The following DMRT3 variants were observed in gnomAD, a reference collection of about 807,000 sequenced individuals.
The protein encoded by DMRT3 is doublesex- and mab-3-related transcription factor 3.
A neutral mutation model predicts 34.9 loss-of-function variants in DMRT3; 29 were observed. The observed-to-expected ratio is 0.83, with a 90% CI of 0.62 to 1.13. The LOEUF is 1.13. Among genes scored for constraint, DMRT3 ranks in the 50% most tolerant of loss-of-function variants. DMRT3 has a pLI of 0.00. For synonymous variants in DMRT3, 350 were observed against 286.0 expected, an observed-to-expected ratio of 1.22 and a Z score of -2.26; for missense variants, 772 against 629.1, an observed-to-expected ratio of 1.23 and a Z score of -2.43.
intron 1 of DMRT3, among the ~76,000 whole-genome samples, chr9:982,379 C>T (rs1305549683): frequency 2.0e-5 from 3 of 152,238 alleles, no homozygotes; most frequent in African/African-American, 2.4e-5. Context: ...CTCTCTCCAC[C>T]TCCAAATCAC....
At chr9:985,073 CT>C (rs1820267833) in intron 1 of DMRT3, among the ~76,000 whole-genome samples, 1 of 152,098 alleles carries the variant, frequency 6.6e-6, no homozygotes, top group Non-Finnish European at 1.5e-5. Context: ...ATATCTACTT[CT>C]TTTAAAAACC....
intron 1 of DMRT3, among the ~76,000 whole-genome samples, chr9:984,778 C>A (rs904709750): frequency 6.6e-6 from 1 of 152,044 alleles, no homozygotes; most frequent in Non-Finnish European, 1.5e-5. Context: ...TTTTATGCAT[C>A]GTGAGCAGAA....
At chr9:981,523 A>G (rs1041117764) in intron 1 of DMRT3, among the ~76,000 whole-genome samples, 1 of 152,246 alleles carries the variant, frequency 6.6e-6, no homozygotes, top group Non-Finnish European at 1.5e-5. Flanking sequence ...ATAAAAAGGA[A>G]TACGCATACA....
Position 976,715 on chromosome 9 carries a change from C to T in DMRT3, c.-287C>T, listed in dbSNP as rs567707989. Among the ~76,000 whole-genome samples the T allele has an allele frequency of 6.6e-6, 1 of 152,218 alleles. No individual in the cohort carries two copies. The highest frequency in any genetic ancestry group is 1.5e-5 in the Non-Finnish European group (1 of 67,988). On this transcript the variant is annotated 5_prime_UTR_variant, in exon 1 of 2. Coordinates refer to ENST00000190165, the MANE Select transcript of DMRT3 (RefSeq NM_021240.4). This position sits in a 1 kb window ranked among gnomAD's most constrained non-coding sequence, Gnocchi z 4.5. Reference sequence around the variant, plus strand: ...CGCCGGCTCCTTGCAGCCGCCGCAGCGCCTCCGCGAAGGAGGACGTGCCGA... The same window carrying T: ...CGCCGGCTCCTTGCAGCCGCCGCAGTGCCTCCGCGAAGGAGGACGTGCCGA...
chr9:988,697 C>G (rs1441675865), intron 1 of DMRT3, among the ~76,000 whole-genome samples: 1 of 152,098 alleles, frequency 6.6e-6, no homozygotes, highest in Non-Finnish European at 1.5e-5. Context: ...TGTATATAAT[C>G]AGGTGTGCCC....
intron 1 of DMRT3, 81 bp from the exon 2 acceptor site, chr9:989,960 C>CGT (rs1820331949): frequency 1.3e-6 from 2 of 1,532,096 alleles, no homozygotes; most frequent in East Asian, 4.5e-5. Context: ...CCAAAAAGCA[C>CGT]GTGTACAGGT....
chr9:979,440 G>C (rs1230477529), intron 1 of DMRT3, among the ~76,000 whole-genome samples: 3 of 152,108 alleles, frequency 2.0e-5, no homozygotes, highest in Non-Finnish European at 4.4e-5. Flanking sequence ...AGGAGAATAG[G>C]ATTTATCACA....
chr9:979,873 TGA>T (rs1820196272), intron 1 of DMRT3, among the ~76,000 whole-genome samples: 1 of 152,228 alleles, frequency 6.6e-6, no homozygotes, highest in Non-Finnish European at 1.5e-5. Context: ...GAACTACTCC[TGA>T]ATAAGTGCAG....
chr9:976,951 C>G lies in DMRT3; in HGVS notation c.-51C>G. 1 of 1,423,034 alleles carries G rather than the reference C, an allele frequency of 7.0e-7. No homozygotes were observed. The highest frequency in any genetic ancestry group is 9.2e-7 in the Non-Finnish European group (1 of 1,087,004). The allele number at this position is 1,423,034 out of a possible 1,614,324, so 88.2% of individuals were successfully genotyped here. The stretch of plus-strand genomic sequence containing the variant: ...CCTCGCAGCCCCGCCGTCCAGCGCT[C>G]CCTGGCCCTCTCCCGCAGCCAGGCT... On this transcript the variant is annotated 5_prime_UTR_variant, in exon 1 of 2. Coordinates refer to ENST00000190165, the MANE Select transcript of DMRT3 (RefSeq NM_021240.4). The surrounding 1 kb of genome is among the most constrained non-coding windows in gnomAD (Gnocchi z 4.5).
rs190846148 is a variant in DMRT3 at position 978,585 on chromosome 9, T to G, written c.454+1130T>G. ...GTACCCCTAGCTTCGGAGAAAGGCTTTCAGGAGCCCAGGACTGCTTTGTCT... is the reference window on the plus strand; with the variant it reads ...GTACCCCTAGCTTCGGAGAAAGGCTGTCAGGAGCCCAGGACTGCTTTGTCT... On this transcript the variant is annotated intron_variant, in intron 1 of 1. Coordinates refer to ENST00000190165, the MANE Select transcript of DMRT3 (RefSeq NM_021240.4). 1.8e-4 allele frequency among the ~76,000 whole-genome samples: 28 copies of G among 152,302 alleles called. No homozygotes were observed. In the East Asian group the frequency reaches 5.2e-3, roughly 28 times the overall value.
chr9:977,298 G>A lies in DMRT3; in HGVS notation c.297G>A (p.Pro99=), dbSNP rs1410716994. 1.5e-5 allele frequency: 21 copies of A among 1,368,860 alleles called. No individual in the cohort carries two copies. The highest frequency in any genetic ancestry group is 2.9e-5 in the East Asian group (1 of 34,042). 84.8% of individuals were successfully genotyped at this position (1,368,860 alleles called of 1,614,324 possible). The change falls in exon 1 of 2, where the codon CCG becomes CCA. Residue 99 remains proline, a synonymous_variant. Coordinates refer to ENST00000190165, the MANE Select transcript of DMRT3 (RefSeq NM_021240.4). ...DSLRALPGPP[P]PGDAVAAPQP... Reference sequence around the variant, plus strand: ...TGCGCGCTCTGCCAGGGCCCCCGCCGCCGGGGGACGCCGTCGCCGCCCCGC... The same window carrying A: ...TGCGCGCTCTGCCAGGGCCCCCGCCACCGGGGGACGCCGTCGCCGCCCCGC...
intron 1 of DMRT3, among the ~76,000 whole-genome samples, chr9:981,086 TA>T (rs1820210772): frequency 6.6e-6 from 1 of 152,076 alleles, no homozygotes; most frequent in Non-Finnish European, 1.5e-5. Context: ...CTTTCCTGTT[TA>T]TTTCTTAGGG....
Position 990,195 on chromosome 9 carries a change from G to A in DMRT3, c.609G>A (p.Gly203=). ...ESPEIVSVEE[G]GYAVQKNGGN... ...CTGAGATAGTGTCCGTGGAGGAAGG[G>A]GGATACGCTGTCCAGAAAAACGGAG... Residue 203 remains glycine (G), a synonymous_variant, in exon 2 of 2, where the codon GGG becomes GGA. Transcript: ENST00000190165. 1 of 1,613,964 alleles carries A rather than the reference G, an allele frequency of 6.2e-7. No individual in the cohort carries two copies. Among genetic ancestry groups the A allele is most frequent in the East Asian group, 2.2e-5 (1 of 44,866 alleles).
chr9:984,974 G>GA (rs541073558), intron 1 of DMRT3, among the ~76,000 whole-genome samples: 1 of 151,506 alleles, frequency 6.6e-6, no homozygotes, highest in East Asian at 1.9e-4. Flanking sequence ...AGCAAAAAAA[G>GA]AAAAAAAAGT....
intron 1 of DMRT3, among the ~76,000 whole-genome samples, 185 bp downstream of exon 1, chr9:977,640 G>A (rs933661089): frequency 8.5e-5 from 13 of 152,190 alleles, no homozygotes; most frequent in Non-Finnish European, 1.8e-4. Flanking sequence ...TCTGGACCCA[G>A]CGCGAGTGGC....
intron 1 of DMRT3, among the ~76,000 whole-genome samples, chr9:979,483 G>C (rs991215870): frequency 6.6e-6 from 1 of 152,148 alleles, no homozygotes; most frequent in African/African-American, 2.4e-5. Flanking sequence ...TTGGGGGACC[G>C]AGGCATCAGG....
rs761401058 is a variant in DMRT3 at position 990,853 on chromosome 9, C to T, written c.1267C>T (p.Pro423Ser). The T allele has an allele frequency of 2.5e-6, 4 of 1,614,140 alleles. No individual in the cohort carries two copies. Among genetic ancestry groups the T allele is most frequent in the Non-Finnish European group, 1.7e-6 (2 of 1,180,010 alleles). Residue 423 changes from proline to serine, a missense_variant, in exon 2 of 2, where the codon CCC (proline) becomes TCC (serine). Coordinates refer to ENST00000190165, the MANE Select transcript of DMRT3 (RefSeq NM_021240.4). The part of the protein sequence containing the change: ...SNSTSVFRSS[P>S]VLPARATEDP... Reference sequence around the variant, plus strand: ...CTCTACCAGCGTCTTCAGAAGCTCGCCCGTCCTTCCTGCCCGCGCCACGGA... The same window carrying T: ...CTCTACCAGCGTCTTCAGAAGCTCGTCCGTCCTTCCTGCCCGCGCCACGGA...
At chr9:977,605 C>T in intron 1 of DMRT3, 150 bp downstream of exon 1, 2 of 877,062 alleles carry the variant, frequency 2.3e-6, no homozygotes, top group Non-Finnish European at 2.9e-6. Context: ...GCCGGGGCTT[C>T]CTCTCCCGGG....
chr9:981,780 A>AG (rs1009315046), intron 1 of DMRT3, among the ~76,000 whole-genome samples: 14 of 152,164 alleles, frequency 9.2e-5, no homozygotes, highest in Non-Finnish European at 1.5e-4. Flanking sequence ...TCCTTGCACC[A>AG]GGGGGTCGGA....
Sources: allele counts gnomAD v4.1 joint callset (sites outside exome capture counted in the v4.1 genomes callset), GRCh38; gene constraint gnomAD v4.1.1; non-coding constraint Gnocchi (gnomAD v3.1); transcripts MANE v1.5; gene names NCBI Gene and HGNC (gene_info 2026-07-23, HGNC 2026-07-21).